ZNF521: variants seen among roughly 807,000 people sequenced by gnomAD.
ZNF521 encodes the protein zinc finger protein 521.
A neutral mutation model predicts 105.5 loss-of-function variants in ZNF521; 14 were observed. That is an observed-to-expected ratio of 0.13 (90% CI 0.09 to 0.21). The LOEUF (loss-of-function observed/expected upper bound fraction) is 0.21. ZNF521 is among the 10% of genes least tolerant of loss of function. The probability of loss-of-function intolerance (pLI) is 1.00; values close to 1 mark genes in which losing one functional copy is unlikely to be tolerated. For missense variants in ZNF521, 1,233 were observed against 1,629.7 expected, an observed-to-expected ratio of 0.76 and a Z score of 4.19; for synonymous variants, 635 against 606.0, an observed-to-expected ratio of 1.05 and a Z score of -0.70.
At chr18:25,152,371 C>T (rs774735610) in intron 5 of ZNF521, among the ~76,000 whole-genome samples, 17 of 151,136 alleles carry the variant, frequency 1.1e-4, no homozygotes, top group Non-Finnish European at 2.2e-4. Context: ...CCCAGCTACT[C>T]GGGAGGCTGA....
intron 5 of ZNF521, among the ~76,000 whole-genome samples, chr18:25,134,851 G>A (rs907153275): frequency 1.3e-5 from 2 of 152,144 alleles, no homozygotes; most frequent in Non-Finnish European, 2.9e-5. Context: ...CACAAAAAGA[G>A]GGGTGGGAGG....
intron 5 of ZNF521, among the ~76,000 whole-genome samples, chr18:25,146,271 G>A (rs748399524): frequency 9.9e-5 from 15 of 152,178 alleles, no homozygotes; most frequent in Non-Finnish European, 1.9e-4. Flanking sequence ...GAAATTTCAG[G>A]AAATCAAAAG....
chr18:25,226,022 T>C lies in ZNF521; in HGVS notation c.1896A>G (p.Gly632=). ...AVGGAPARPT[G]EYICNQCGAK... ...CACCACATTGATTACAGATATATTCTCCAGTGGGACGTGCAGGTGCACCTC... is the reference window on the plus strand; with the variant it reads ...CACCACATTGATTACAGATATATTCCCCAGTGGGACGTGCAGGTGCACCTC... The change falls in exon 4 of 8, where the codon GGA becomes GGG. Residue 632 remains glycine, a synonymous_variant. Transcript: ENST00000361524. The surrounding 1 kb of genome is among the most constrained non-coding windows in gnomAD (Gnocchi z 4.1). 2 of 1,614,188 alleles carry C rather than the reference T, an allele frequency of 1.2e-6. No individual in the cohort carries two copies. The highest frequency in any genetic ancestry group is 1.7e-6 in the Non-Finnish European group (2 of 1,180,014).
intron 5 of ZNF521, among the ~76,000 whole-genome samples, chr18:25,128,238 C>T (rs2034572947): frequency 6.6e-6 from 1 of 151,392 alleles, no homozygotes; most frequent in Non-Finnish European, 1.5e-5. Flanking sequence ...TCAACAGATA[C>T]AAAAAAAGAA....
chr18:25,261,443 G>A (rs1908899146), intron 3 of ZNF521, among the ~76,000 whole-genome samples: 1 of 152,072 alleles, frequency 6.6e-6, no homozygotes, highest in Admixed American at 6.6e-5. Flanking sequence ...CATTAAAGGG[G>A]CCTAAGAAGG....
chr18:25,277,182 C>CA (rs34657167), intron 3 of ZNF521, among the ~76,000 whole-genome samples: 12,701 of 82,170 alleles, frequency 0.15, 649 homozygotes, highest in Middle Eastern at 0.22. Context: ...GACTCCGTCT[C>CA]AAAAAAAAAA....
At chr18:25,239,459 A>G (rs542200586) in intron 3 of ZNF521, among the ~76,000 whole-genome samples, 63 of 152,224 alleles carry the variant, frequency 4.1e-4, no homozygotes, top group Middle Eastern at 3.2e-3. Flanking sequence ...TAGATGGGAA[A>G]TATTAATACA....
At chr18:25,313,023 G>A (rs1371080390) in intron 3 of ZNF521, among the ~76,000 whole-genome samples, 1 of 152,158 alleles carries the variant, frequency 6.6e-6, no homozygotes, top group African/African-American at 2.4e-5. Context: ...GTCAAGAACA[G>A]TGGTCTCTGA....
intron 5 of ZNF521, among the ~76,000 whole-genome samples, chr18:25,177,548 G>A (rs2144579949): frequency 6.6e-6 from 1 of 151,144 alleles, no homozygotes; most frequent in African/African-American, 2.4e-5. Flanking sequence ...GCTTTGTGAG[G>A]ATTTTTTTTT....
intron 4 of ZNF521, among the ~76,000 whole-genome samples, chr18:25,206,440 G>A (rs2036081725): frequency 6.6e-6 from 1 of 152,064 alleles, no homozygotes; most frequent in South Asian, 2.1e-4. Flanking sequence ...GAAGGCTCCT[G>A]TGGAGTCCTA....
chr18:25,338,931 C>G (rs556076675), intron 2 of ZNF521, among the ~76,000 whole-genome samples: 1 of 152,198 alleles, frequency 6.6e-6, no homozygotes, highest in South Asian at 2.1e-4. Context: ...GTGAGTTGAT[C>G]AAGTATTTAG....
intron 5 of ZNF521, among the ~76,000 whole-genome samples, chr18:25,132,079 G>GA (rs1199926550): frequency 6.6e-6 from 1 of 152,148 alleles, no homozygotes; most frequent in Non-Finnish European, 1.5e-5. Context: ...CCCAAAGTCA[G>GA]AAAAAGGAGG....
intron 3 of ZNF521, among the ~76,000 whole-genome samples, chr18:25,240,512 G>A (rs1180537607): frequency 6.6e-6 from 1 of 152,022 alleles, no homozygotes; most frequent in Admixed American, 6.6e-5. Context: ...AACACGAGAG[G>A]GCTGTCAGAA....
chr18:25,209,530 C>T (rs747131351), intron 4 of ZNF521, among the ~76,000 whole-genome samples: 18 of 152,186 alleles, frequency 1.2e-4, no homozygotes, highest in Non-Finnish European at 2.6e-4. Context: ...GTGATTCATA[C>T]AGGGCATCGT....
intron 3 of ZNF521, among the ~76,000 whole-genome samples, chr18:25,293,345 T>TACACACAC (rs1491489026): frequency 2.7e-5 from 3 of 109,094 alleles, no homozygotes; most frequent in African/African-American, 1.2e-4. Flanking sequence ...CTTGCACATG[T>TACACACAC]ACACATACAC....
At chr18:25,088,514 C>A (rs372982359) in intron 7 of ZNF521, among the ~76,000 whole-genome samples, 1 of 151,990 alleles carries the variant, frequency 6.6e-6, no homozygotes, top group Non-Finnish European at 1.5e-5. Flanking sequence ...CCACCGTGCC[C>A]GGCCAACAGA....
At chr18:25,068,308 C>T (rs2033124059) in intron 7 of ZNF521, among the ~76,000 whole-genome samples, 1 of 152,188 alleles carries the variant, frequency 6.6e-6, no homozygotes, top group Admixed American at 6.5e-5. Flanking sequence ...CGTAATCAAT[C>T]ATCACTGATT....
intron 3 of ZNF521, among the ~76,000 whole-genome samples, chr18:25,235,457 A>G (rs1301968911): frequency 6.6e-6 from 1 of 152,214 alleles, no homozygotes. Context: ...CGGATCTTAG[A>G]AACTTCATTT....
intron 4 of ZNF521, among the ~76,000 whole-genome samples, chr18:25,212,284 G>A (rs554522642): frequency 9.6e-4 from 145 of 151,250 alleles, no homozygotes; most frequent in South Asian, 2.7e-3. Context: ...GGCCAAGGTG[G>A]GCAGATCACA....
Sources: gnomAD v4.1 joint callset for allele counts (sites outside exome capture counted in the v4.1 genomes callset) on GRCh38, gnomAD v4.1.1 for gene constraint, Gnocchi (gnomAD v3.1) non-coding constraint, MANE v1.5 for transcripts, NCBI Gene and HGNC (gene_info 2026-07-23, HGNC 2026-07-21) for gene names.